The following PCDHA1 variants were observed in gnomAD, a reference collection of about 807,000 sequenced individuals.
PCDHA1 encodes protocadherin alpha-1.
PCDHA1 carries 42 observed loss-of-function variants against 61.3 expected under a neutral mutation model. That is an observed-to-expected ratio of 0.69 (90% CI 0.54 to 0.89). The LOEUF is 0.89. Ranked by LOEUF, PCDHA1 falls within the 40% of genes least tolerant of loss-of-function variation. The pLI is 0.00. For missense variants in PCDHA1, 1,256 were observed against 1,235.3 expected (o/e 1.02, Z -0.25); for synonymous variants, 610 against 553.8 (o/e 1.10, Z -1.43).
At chr5:140,801,909 A>G in intron 1 of PCDHA1, 1 of 1,614,204 alleles carries the variant, frequency 6.2e-7, no homozygotes, top group Non-Finnish European at 8.5e-7. Flanking sequence ...TGTAAACGAC[A>G]ACGCCCCAGC....
At chr5:140,840,664 A>T (rs2150308594) in intron 1 of PCDHA1, among the ~76,000 whole-genome samples, 5 of 152,102 alleles carry the variant, frequency 3.3e-5, no homozygotes, top group Admixed American at 1.3e-4. Context: ...ATATGCACAT[A>T]CATTTTTATT....
chr5:140,973,411 C>G (rs545745437), intron 1 of PCDHA1, among the ~76,000 whole-genome samples: 2 of 152,326 alleles, frequency 1.3e-5, no homozygotes, highest in East Asian at 3.9e-4. Context: ...TGAGCTTCCA[C>G]TCCAGTTTTT....
chr5:141,003,151 C>T (rs1554258934), intron 3 of PCDHA1, among the ~76,000 whole-genome samples: 2 of 152,224 alleles, frequency 1.3e-5, no homozygotes, highest in African/African-American at 2.4e-5. Flanking sequence ...AGACTCTGAC[C>T]TGATCAATCC....
Position 140,876,608 on chromosome 5 carries a change from C to T in PCDHA1, c.2394+87924C>T, listed in dbSNP as rs1267902187. On this transcript the variant is annotated intron_variant, in intron 1 of 3. Transcript: ENST00000504120. ...CTGATTAGCGTGTCGGATCGTGACT[C>T]TGGAGCCAATGGACAGGTCATCTGC... The T allele has an allele frequency of 5.0e-6, 8 of 1,614,070 alleles. No individual in the cohort carries two copies. The highest frequency in any genetic ancestry group is 5.9e-6 in the Non-Finnish European group (7 of 1,180,040).
intron 1 of PCDHA1, chr5:140,836,827 G>C: frequency 1.0e-6 from 1 of 968,068 alleles, no homozygotes; most frequent in African/African-American, 1.7e-5. Context: ...TTCTTTTTTA[G>C]TTGATAGCTT....
At chr5:140,809,029 G>T (rs1245883227) in intron 1 of PCDHA1, 1 of 1,613,858 alleles carries the variant, frequency 6.2e-7, no homozygotes. Context: ...TGCAGCCGGG[G>T]ACTGGTGGCG....
At position 140,853,837 on chromosome 5, in the gene PCDHA1, T is replaced by C. The variant is rs1554146872; in HGVS notation, c.2394+65153T>C. 17 of 986,750 alleles carry C rather than the reference T, an allele frequency of 1.7e-5. 2 individuals are homozygous for C. The highest frequency in any genetic ancestry group is 1.8e-5 in the Non-Finnish European group (15 of 818,856). The allele number at this position is 986,750 out of a possible 1,614,324, so 61.1% of individuals were successfully genotyped here. A position where few individuals can be genotyped will look rare whatever the true frequency, so the allele number is the denominator to read the frequency against. On this transcript the variant is annotated intron_variant, in intron 1 of 3. Transcript: ENST00000504120. ...GATGATTCTCATACAACCGAAATTT[T>C]AGATCCATAGCCCTATTTGATACTT... is the stretch of plus-strand genomic sequence containing the variant.
chr5:140,995,498 CTG>C (rs1554254703), intron 3 of PCDHA1, among the ~76,000 whole-genome samples: 5 of 152,150 alleles, frequency 3.3e-5, no homozygotes, highest in Non-Finnish European at 5.9e-5. Context: ...CTAAGGTTGA[CTG>C]TGGGTAACTG....
At chr5:140,944,226 C>T (rs988249626) in intron 1 of PCDHA1, among the ~76,000 whole-genome samples, 3 of 152,126 alleles carry the variant, frequency 2.0e-5, no homozygotes, top group Admixed American at 2.0e-4. Flanking sequence ...TTTACTCTGT[C>T]GCTCAGGCTG....
chr5:140,834,582 G>A, intron 1 of PCDHA1: 1 of 1,614,134 alleles, frequency 6.2e-7, no homozygotes, highest in Non-Finnish European at 8.5e-7. Context: ...GTTCCGGGCG[G>A]TGTGCAAATT....
intron 1 of PCDHA1, chr5:140,967,632 A>G (rs371201664): frequency 1.9e-5 from 31 of 1,614,028 alleles, no homozygotes; most frequent in Admixed American, 1.7e-4. Context: ...GAGGGCTCCA[A>G]TGGTGAGCTC....
At chr5:140,838,077 AGTGT>A (rs2150283763) in intron 1 of PCDHA1, among the ~76,000 whole-genome samples, 8,027 of 79,764 alleles carry the variant, frequency 0.1, 265 homozygotes, top group South Asian at 0.12. Flanking sequence ...ATATATATAT[AGTGT>A]GTGTGTGTGT....
intron 1 of PCDHA1, among the ~76,000 whole-genome samples, chr5:140,888,270 GT>G (rs2061763105): frequency 6.6e-6 from 1 of 152,102 alleles, no homozygotes; most frequent in Non-Finnish European, 1.5e-5. Context: ...ATAAGAAACA[GT>G]TTTGTCCCCT....
intron 1 of PCDHA1, among the ~76,000 whole-genome samples, chr5:140,873,132 A>G (rs2054118651): frequency 6.6e-6 from 1 of 152,212 alleles, no homozygotes; most frequent in Non-Finnish European, 1.5e-5. Flanking sequence ...CAAAGAGTCT[A>G]TGCTGAAGCC....
At chr5:140,830,856 TG>T (rs1370462098) in intron 1 of PCDHA1, 4 of 153,858 alleles carry the variant, frequency 2.6e-5, no homozygotes, top group African/African-American at 9.6e-5. Flanking sequence ...TACTCTTTTT[TG>T]ATCATATATT....
intron 1 of PCDHA1, chr5:140,827,862 T>C (rs1402677549): frequency 1.7e-6 from 1 of 602,742 alleles, no homozygotes; most frequent in Non-Finnish European, 2.9e-6. Flanking sequence ...AAATATATGG[T>C]ATAGCACTGT....
chr5:140,926,373 G>A (rs1040164585), intron 1 of PCDHA1: 3 of 152,370 alleles, frequency 2.0e-5, no homozygotes, highest in African/African-American at 4.8e-5. Context: ...GGCAGGAAGA[G>A]CCCAGCTGGG....
At chr5:140,871,205 T>C (rs1554165267) in intron 1 of PCDHA1, 3 of 1,613,774 alleles carry the variant, frequency 1.9e-6, no homozygotes, top group Admixed American at 3.3e-5. Flanking sequence ...TACCTGATCA[T>C]CGCCATCTGC....
intron 1 of PCDHA1, among the ~76,000 whole-genome samples, chr5:140,939,247 T>C (rs1413301027): frequency 6.6e-6 from 1 of 152,246 alleles, no homozygotes; most frequent in South Asian, 2.1e-4. Context: ...GCAAGGTAGC[T>C]CTCTGGAACC....
Sources: gnomAD v4.1 joint callset for allele counts (sites outside exome capture counted in the v4.1 genomes callset) on GRCh38, gnomAD v4.1.1 for gene constraint, MANE v1.5 for transcripts, NCBI Gene and HGNC (gene_info 2026-07-23, HGNC 2026-07-21) for gene names.